Variants in ABITRAM observed in about 807,000 individuals in gnomAD.
The protein encoded by ABITRAM is actin binding transcription modulator.
A neutral mutation model predicts 22.9 loss-of-function variants in ABITRAM; 19 were observed. The ratio of observed to expected loss-of-function variants is 0.83; its 90% CI spans 0.58 to 1.22. ABITRAM has a LOEUF of 1.22. ABITRAM is among the 50% of genes most tolerant of loss of function. ABITRAM has a pLI of 0.00. For missense variants in ABITRAM, 215 were observed against 220.2 expected, an observed-to-expected ratio of 0.98 and a Z score of 0.15; for synonymous variants, 70 against 73.9, an observed-to-expected ratio of 0.95 and a Z score of 0.27.
chr9:108,944,718 T>A (rs1186941070), downstream of ABITRAM, among the ~76,000 whole-genome samples: 1 of 152,072 alleles, frequency 6.6e-6, no homozygotes, highest in Non-Finnish European at 1.5e-5. Flanking sequence ...TTAGGTGGCG[T>A]CAGTAATAAT....
At chr9:108,944,040 AC>A (rs374610805), downstream of ABITRAM, 22 of 1,593,426 alleles carry the variant, frequency 1.4e-5, 1 homozygote, top group African/African-American at 1.6e-4. Context: ...AGAAAACACC[AC>A]TATTTTAGAC....
downstream of ABITRAM, chr9:108,943,143 A>G (rs1443856936): frequency 8.3e-6 from 9 of 1,081,316 alleles, no homozygotes; most frequent in African/African-American, 1.1e-4. Context: ...CTCCATATGG[A>G]AATCTAAGGG....
Position 108,934,478 on chromosome 9 carries a change from G to C in ABITRAM, c.-9G>C. ...CCGGAGGGCGGGGGTGGCGGCGCCG[G>C]AGGTCGCCATGGCTACCGAGCCCGA... On this transcript the variant is annotated 5_prime_UTR_variant, in exon 1 of 6. Coordinates refer to ENST00000322940, the MANE Select transcript of ABITRAM (RefSeq NM_017832.4). 2 of 1,597,120 alleles carry C rather than the reference G, an allele frequency of 1.3e-6. No homozygotes were observed. The highest frequency in any genetic ancestry group is 1.1e-5 in the South Asian group (1 of 88,928).
At chr9:108,942,811 C>A, downstream of ABITRAM, 1 of 1,613,490 alleles carries the variant, frequency 6.2e-7, no homozygotes, top group Non-Finnish European at 8.5e-7. Context: ...TAACTGAGAC[C>A]CATCCGTTAT....
chr9:108,939,392 A>C lies in ABITRAM; in HGVS notation c.346A>C (p.Arg116=). 3.1e-6 allele frequency: 5 copies of C among 1,608,878 alleles called. No homozygotes were observed. Among genetic ancestry groups the C allele is most frequent in the Non-Finnish European group, 4.2e-6 (5 of 1,178,694 alleles). Residue 116 remains arginine, a synonymous_variant, in exon 5 of 6, where the codon AGA becomes CGA. Coordinates refer to ENST00000322940, the MANE Select transcript of ABITRAM (RefSeq NM_017832.4). ...GEEYTVSSCV[R]GRLMEVNENI... ...CTTAAATTTTTTTAATAGTTGTGTTAGAGGACGTTTGATGGAAGTGAATGA... is the reference window on the plus strand; with the variant it reads ...CTTAAATTTTTTTAATAGTTGTGTTCGAGGACGTTTGATGGAAGTGAATGA...
At chr9:108,944,132 A>G (rs1830329284), downstream of ABITRAM, 1 of 1,040,866 alleles carries the variant, frequency 9.6e-7, no homozygotes, top group Non-Finnish European at 1.4e-6. Flanking sequence ...CTAGATATAA[A>G]AAGTCTGTCA....
intron 3 of ABITRAM, among the ~76,000 whole-genome samples, chr9:108,948,844 A>G (rs1830477426): frequency 1.3e-5 from 2 of 152,222 alleles, no homozygotes; most frequent in Non-Finnish European, 1.5e-5. Context: ...CATTAAGAAG[A>G]GCAATGGACT....
downstream of ABITRAM, chr9:108,943,746 T>G: frequency 6.2e-7 from 1 of 1,613,848 alleles, no homozygotes; most frequent in Non-Finnish European, 8.5e-7. Context: ...AGTTACTGTC[T>G]GGAGCTGGTG....
chr9:108,950,466 C>T (rs773806183), intron 3 of ABITRAM: 7 of 1,540,964 alleles, frequency 4.5e-6, no homozygotes, highest in Admixed American at 2.0e-5. Context: ...TAAACAGCAG[C>T]AAAATTTCTA....
rs1263317992 is a variant in ABITRAM, at chr9:108,940,306, A to AT, written c.*624dup. ...ATGTAAACCAAGGGATAACTACTAC[A>AT]TTTTAACCTACTTCTGTTTGAACAT... On this transcript the variant is annotated 3_prime_UTR_variant, in exon 6 of 6. Transcript: ENST00000322940. The AT allele has an allele frequency of 6.6e-6, 1 of 152,140 alleles. No homozygotes were observed. The highest frequency in any genetic ancestry group is 1.5e-5 in the Non-Finnish European group (1 of 68,024). 9.4% of individuals were successfully genotyped at this position (152,140 alleles called of 1,614,324 possible).
intron 3 of ABITRAM, 51 bp from the exon 4 acceptor site, chr9:108,939,145 G>A (rs748498540): frequency 1.3e-6 from 2 of 1,523,214 alleles, no homozygotes; most frequent in Non-Finnish European, 1.8e-6. Flanking sequence ...ACTTCTCAAA[G>A]GAAAGTGGAA....
intron 3 of ABITRAM, among the ~76,000 whole-genome samples, chr9:108,949,389 A>G (rs952934339): frequency 1.3e-5 from 2 of 152,186 alleles, no homozygotes; most frequent in African/African-American, 4.8e-5. Context: ...AAATAAAACT[A>G]ATCAAAGGAG....
chr9:108,939,240 C>T lies in ABITRAM; in HGVS notation c.306C>T (p.Tyr102=), dbSNP rs201538126. 1 of 1,614,030 alleles carries T rather than the reference C, an allele frequency of 6.2e-7. No homozygotes were observed. The highest frequency in any genetic ancestry group is 1.7e-5 in the Admixed American group (1 of 60,020). ...LTELAPLCKI[Y]CSDGEEYTVS... is the part of the protein sequence containing the mutation. ...AGCTTGCACCTCTCTGTAAGATTTA[C>T]TGCTCAGATGGTGAAGAATATACTG... is the stretch of plus-strand genomic sequence containing the variant. The change falls in exon 4 of 6, where the codon TAC becomes TAT. Residue 102 remains tyrosine, a synonymous_variant. Coordinates refer to ENST00000322940, the MANE Select transcript of ABITRAM (RefSeq NM_017832.4).
At chr9:108,936,221 C>G (rs1014136773) in intron 2 of ABITRAM, 87 bp from the exon 3 acceptor site, 4 of 1,433,144 alleles carry the variant, frequency 2.8e-6, no homozygotes, top group Non-Finnish European at 3.8e-6. Flanking sequence ...AAACAAATAC[C>G]AGTTCATACA....
At chr9:108,936,744 C>T (rs1830193303) in intron 3 of ABITRAM, among the ~76,000 whole-genome samples, 2 of 152,006 alleles carry the variant, frequency 1.3e-5, no homozygotes, top group Admixed American at 1.3e-4. Flanking sequence ...TATTTTGTCC[C>T]TTCTAGTTGT....
chr9:108,946,534 A>C (rs1296992469), intron 3 of ABITRAM, among the ~76,000 whole-genome samples: 3 of 152,176 alleles, frequency 2.0e-5, no homozygotes, highest in Admixed American at 6.5e-5. Context: ...GGCTCCTTAG[A>C]GAGGTCTTTT....
Position 108,939,638 on chromosome 9 carries a change from T to A in ABITRAM, c.498T>A (p.Tyr166Ter), listed in dbSNP as rs1310581645. ...ITEGLLTQKQYEEVMVKRINA... is the reference protein window; with the variant it reads ...ITEGLLTQKQ ...AAGGGTTACTGACACAAAAACAATA[T>A]GAAGAAGTCATGGTGAAACGCATTA... is the stretch of plus-strand genomic sequence containing the variant. The change falls in exon 6 of 6, where the codon TAT becomes TAA. Residue 166 changes from tyrosine to a stop codon, truncating the protein, a stop_gained. Coordinates refer to ENST00000322940, the MANE Select transcript of ABITRAM (RefSeq NM_017832.4). LOFTEE classifies it low-confidence loss of function (END_TRUNC). 4.3e-6 allele frequency: 7 copies of A among 1,613,920 alleles called. No homozygotes were observed. The highest frequency in any genetic ancestry group is 1.3e-5 in the African/African-American group (1 of 74,878).
chr9:108,942,816 C>G (rs747584450), downstream of ABITRAM: 3 of 1,613,544 alleles, frequency 1.9e-6, no homozygotes, highest in Non-Finnish European at 1.7e-6. Context: ...GAGACCCATC[C>G]GTTATTTTCC....
intron 1 of ABITRAM, among the ~76,000 whole-genome samples, chr9:108,934,849 G>T (rs1448930588): frequency 1.3e-5 from 2 of 152,182 alleles, no homozygotes; most frequent in African/African-American, 4.8e-5. Flanking sequence ...AAAGGTAGGC[G>T]GAGGGCTAGG....
Sources: allele counts gnomAD v4.1 joint callset (sites outside exome capture counted in the v4.1 genomes callset), GRCh38; gene constraint gnomAD v4.1.1; transcripts MANE v1.5; gene names NCBI Gene and HGNC (gene_info 2026-07-23, HGNC 2026-07-21).